The following ELP6 variants were observed in gnomAD, a reference collection of about 807,000 sequenced individuals.
ELP6 encodes elongator acetyltransferase complex subunit 6, also known as elongator complex protein 6.
ELP6 carries 23 observed loss-of-function variants against 28.1 expected under a neutral mutation model. The ratio of observed to expected loss-of-function variants is 0.82; its 90% confidence interval spans 0.59 to 1.16. ELP6 has a LOEUF of 1.16. Among genes scored for constraint, ELP6 ranks in the 50% most tolerant of loss-of-function variants. ELP6 has a pLI of 0.00. For missense variants in ELP6, 313 were observed against 334.6 expected, an observed-to-expected ratio of 0.94 and a Z score of 0.50; for synonymous variants, 132 against 135.8, an observed-to-expected ratio of 0.97 and a Z score of 0.19.
At chr3:47,507,502 T>A (rs1393228215) in intron 3 of ELP6, among the ~76,000 whole-genome samples, 2 of 148,850 alleles carry the variant, frequency 1.3e-5, no homozygotes, top group African/African-American at 5.0e-5. Context: ...TGTGCAGAAA[T>A]AGGTCACATG....
chr3:47,504,539 C>G, intron 3 of ELP6, 91 bp from the exon 4 acceptor site: 2 of 1,436,104 alleles, frequency 1.4e-6, no homozygotes, highest in Non-Finnish European at 9.2e-7. Flanking sequence ...AGACACCTTC[C>G]AAACTTGGCA....
chr3:47,498,378 C>A lies in ELP6; in HGVS notation c.580G>T (p.Asp194Tyr), dbSNP rs1361532795. 1.2e-6 allele frequency: 2 copies of A among 1,613,574 alleles called. No homozygotes were observed. Among genetic ancestry groups the A allele is most frequent in the Non-Finnish European group, 1.7e-6 (2 of 1,180,042 alleles). ...DSGDAEDEEN[D>Y]ILLNGLSHQS... ...TGACTGAGGCCATTCAGCAGGATGT[C>A]ATTCTCCTCATCCTCCGCATCTCCA... The change falls in exon 6 of 7, where the codon GAC becomes TAC. Residue 194 changes from aspartate to tyrosine, a missense_variant. Asp to Tyr is a radical substitution (Grantham distance 160). Transcript: ENST00000296149.
rs746218722 is a variant in ELP6, at chr3:47,511,156, TAGA to T, written c.122_124del (p.Phe41del). 22 of 1,613,790 alleles carry T rather than the reference TAGA, an allele frequency of 1.4e-5. No individual in the cohort carries two copies. Among genetic ancestry groups the T allele is most frequent in the Non-Finnish European group, 1.5e-5 (18 of 1,179,842 alleles). ...ATCAATGAGTCCCATACCTTTGAGA[TAGA>T]AGGAGAGAAAGTGGTGTACAAGGAA... On this transcript the variant is annotated inframe_deletion, in exon 2 of 7. Transcript: ENST00000296149.
intron 3 of ELP6, among the ~76,000 whole-genome samples, chr3:47,505,082 C>A (rs181480930): frequency 1.3e-3 from 198 of 152,034 alleles, no homozygotes; most frequent in African/African-American, 4.6e-3. Context: ...GCCTGGCCAA[C>A]CTGGTGAAAC....
intron 3 of ELP6, 102 bp from the exon 4 acceptor site, chr3:47,504,550 G>T: frequency 2.1e-6 from 3 of 1,416,380 alleles, no homozygotes; most frequent in Non-Finnish European, 2.8e-6. Flanking sequence ...AAACTTGGCA[G>T]AAGTGTATCT....
intron 2 of ELP6, among the ~76,000 whole-genome samples, 153 bp from the exon 3 acceptor site, chr3:47,510,407 T>C (rs1339786769): frequency 2.0e-5 from 3 of 152,208 alleles, no homozygotes; most frequent in African/African-American, 7.2e-5. Flanking sequence ...ATGTACTTTT[T>C]TTCTTATTTA....
chr3:47,511,925 T>G (rs1709028204), intron 1 of ELP6: 1 of 984,932 alleles, frequency 1.0e-6, no homozygotes. Context: ...TTAACTTCTC[T>G]GGGCTTCAGG....
rs1254097645 is a variant in ELP6, at chr3:47,504,326, T to G, written c.323+4A>C. ...CTTCCGGGCTGGGCTGTAGGCTGAC[T>G]GACCTGAGAAACTGCAGGGGGTGTG... On this transcript the variant is annotated splice_donor_region_variant and intron_variant, in intron 4 of 6. Transcript: ENST00000296149. 6.2e-7 allele frequency: 1 copy of G among 1,600,412 alleles called. No individual in the cohort carries two copies. The highest frequency in any genetic ancestry group is 1.3e-5 in the African/African-American group (1 of 74,436).
intron 1 of ELP6, chr3:47,513,305 T>A (rs2029946903): frequency 7.3e-7 from 1 of 1,361,132 alleles, no homozygotes; most frequent in Admixed American, 3.7e-5. Flanking sequence ...TCCCAGGGAC[T>A]TTTAAGGACA....
At chr3:47,503,156 C>T (rs1478949576) in intron 4 of ELP6, 1 of 1,147,674 alleles carries the variant, frequency 8.7e-7, no homozygotes, top group South Asian at 1.9e-5. Context: ...CCCCTGCCTT[C>T]AAATGAGGAA....
intron 6 of ELP6, chr3:47,496,641 C>T (rs112171828): frequency 3.2e-5 from 19 of 599,802 alleles, no homozygotes; most frequent in African/African-American, 3.0e-4. Context: ...ATTATGGGTG[C>T]GCATCACCAT....
intron 3 of ELP6, among the ~76,000 whole-genome samples, chr3:47,508,800 T>C (rs1420390727): frequency 1.3e-5 from 2 of 149,000 alleles, no homozygotes; most frequent in African/African-American, 2.5e-5. Context: ...AGTCTTGCTC[T>C]GTCTCCCAGG....
Position 47,507,886 on chromosome 3 carries a change from C to T in ELP6, c.204+2298G>A, listed in dbSNP as rs145125458. Among the ~76,000 whole-genome samples, 85 of 152,294 alleles carry T rather than the reference C, an allele frequency of 5.6e-4. 1 individual carries two copies. The highest frequency in any genetic ancestry group is 9.7e-4 in the Non-Finnish European group (66 of 68,032). The stretch of plus-strand genomic sequence containing the variant: ...TAGAAGCTCACGCTCCAGTACTTCA[C>T]GTGCCAAGTACTGTGCATGCCATTC... On this transcript the variant is annotated intron_variant, in intron 3 of 6. Transcript: ENST00000296149.
chr3:47,507,463 A>G (rs1192895102), intron 3 of ELP6, among the ~76,000 whole-genome samples: 1 of 151,630 alleles, frequency 6.6e-6, no homozygotes, highest in African/African-American at 2.4e-5. Flanking sequence ...ATGGTGATAC[A>G]TTCTAAATGT....
intron 5 of ELP6, chr3:47,500,415 A>G (rs906389829): frequency 5.3e-6 from 1 of 187,614 alleles, no homozygotes; most frequent in African/African-American, 2.4e-5. Context: ...AAAAAAACAA[A>G]TATGTGCATA....
At chr3:47,512,155 G>GCA (rs1709033667) in intron 1 of ELP6, 2 of 785,762 alleles carry the variant, frequency 2.5e-6, no homozygotes, top group Non-Finnish European at 3.1e-6. Context: ...CTACAATTTG[G>GCA]CGCTATGGGG....
chr3:47,503,028 C>T, intron 4 of ELP6: 1 of 1,015,426 alleles, frequency 9.8e-7, no homozygotes, highest in African/African-American at 1.7e-5. Flanking sequence ...AGGAACAGAG[C>T]CCAGGGCCCA....
chr3:47,503,928 GACAA>G (rs908812331), intron 4 of ELP6, among the ~76,000 whole-genome samples: 2 of 152,028 alleles, frequency 1.3e-5, no homozygotes, highest in African/African-American at 2.4e-5. Flanking sequence ...TTTTAAAAAA[GACAA>G]ACAGTTTAAA....
chr3:47,507,497 A>C (rs1708874970), intron 3 of ELP6, among the ~76,000 whole-genome samples: 1 of 151,066 alleles, frequency 6.6e-6, no homozygotes. Flanking sequence ...CCACCTGTGC[A>C]GAAATAGGTC....
Sources: gnomAD v4.1 joint callset for allele counts (sites outside exome capture counted in the v4.1 genomes callset) on GRCh38, gnomAD v4.1.1 for gene constraint, MANE v1.5 for transcripts, NCBI Gene and HGNC (gene_info 2026-07-23, HGNC 2026-07-21) for gene names.